ATRX: variants seen among roughly 807,000 people sequenced by gnomAD.
ATRX encodes ATRX chromatin remodeler.
In ATRX, 12 loss-of-function variants were observed where a neutral mutation model predicts 172.6. The ratio of observed to expected loss-of-function variants is 0.07; its 90% confidence interval spans 0.04 to 0.11. ATRX has a LOEUF of 0.11. Among genes scored for constraint, ATRX ranks in the 10% least tolerant of loss-of-function variants. The probability of loss-of-function intolerance (pLI) is 1.00; values close to 1 mark genes in which losing one functional copy is unlikely to be tolerated. For missense variants in ATRX, 1,368 were observed against 1,767.4 expected (o/e 0.77, Z 4.05); for synonymous variants, 674 against 594.7 (o/e 1.13, Z -1.94).
intron 28 of ATRX, among the ~76,000 whole-genome samples, chrX:77,560,728 C>G (rs192389520): frequency 5.7e-4 from 63 of 111,225 alleles, no homozygotes; most frequent in Non-Finnish European, 9.6e-4. Context: ...ATATTATATA[C>G]TAAAGAAAAA....
At chrX:77,626,968 G>A (rs964940264) in intron 19 of ATRX, among the ~76,000 whole-genome samples, 2 of 112,159 alleles carry the variant, frequency 1.8e-5, no homozygotes, top group African/African-American at 6.5e-5. Context: ...GCTCACGCCT[G>A]TAATCCCAGC....
chrX:77,624,845 A>G (rs1192347501), intron 19 of ATRX, among the ~76,000 whole-genome samples: 1 of 111,879 alleles, frequency 8.9e-6, no homozygotes, highest in East Asian at 2.8e-4. Flanking sequence ...ATTCAATGCA[A>G]TCCCCATCAA....
At chrX:77,563,866 A>T (rs1390297470) in intron 28 of ATRX, among the ~76,000 whole-genome samples, 3 of 109,639 alleles carry the variant, frequency 2.7e-5, no homozygotes, top group African/African-American at 1.0e-4. Context: ...AAGGCCTGAA[A>T]ATCCGGGGGT....
At chrX:77,635,745 T>C (rs1426471336) in intron 16 of ATRX, among the ~76,000 whole-genome samples, 170 bp downstream of exon 16, 1 of 111,896 alleles carries the variant, frequency 8.9e-6, no homozygotes, top group Non-Finnish European at 1.9e-5. Context: ...CACCCAATTT[T>C]GTTCTTCCTC....
intron 19 of ATRX, 127 bp from the exon 20 acceptor site, chrX:77,620,659 T>C: frequency 1.5e-6 from 1 of 653,670 alleles, no homozygotes. Context: ...GACATCGTTG[T>C]AAGTATAAAC....
At chrX:77,669,248 C>A (rs953624731) in intron 10 of ATRX, among the ~76,000 whole-genome samples, 35 of 111,584 alleles carry the variant, frequency 3.1e-4, no homozygotes, top group African/African-American at 1.1e-3. Context: ...TGTGCCAGCA[C>A]TATACCCTCT....
At chrX:77,684,630 T>C in intron 8 of ATRX, 37 bp from the exon 9 acceptor site, 1 of 1,150,601 alleles carries the variant, frequency 8.7e-7, no homozygotes, top group South Asian at 1.9e-5. Flanking sequence ...TATTCCCTTC[T>C]TTCAGGAAAC....
chrX:77,776,821 G>T (rs1178124317), intron 1 of ATRX, among the ~76,000 whole-genome samples: 1 of 111,450 alleles, frequency 9.0e-6, no homozygotes. Context: ...GTGAAATGAG[G>T]TAGCTGGTAG....
At chrX:77,621,866 C>A (rs743072) in intron 19 of ATRX, among the ~76,000 whole-genome samples, 1,934 of 107,800 alleles carry the variant, frequency 0.018, 23 homozygotes, top group African/African-American at 0.046. Context: ...ACAACAACAA[C>A]AAAAAAAAAC....
chrX:77,746,860 C>T (rs1304530044), intron 1 of ATRX, among the ~76,000 whole-genome samples: 8 of 110,995 alleles, frequency 7.2e-5, no homozygotes, highest in African/African-American at 1.3e-4. Flanking sequence ...GTTGCAGTGG[C>T]GCGATCTCGG....
rs781829635 is a variant in ATRX, at chrX:77,759,064, A to G, written c.20+26918T>C. Among the ~76,000 whole-genome samples, 6 of 112,297 alleles carry G rather than the reference A, an allele frequency of 5.3e-5. No individual in the cohort carries two copies. In the South Asian group the frequency reaches 2.2e-3, roughly 42 times the overall value. ...GATCAGAAGCACTACAATAAAAAATAGGCAATGTGAGTTGACTATTACAAA... is the reference window on the plus strand; with the variant it reads ...GATCAGAAGCACTACAATAAAAAATGGGCAATGTGAGTTGACTATTACAAA... On this transcript the variant is annotated intron_variant, in intron 1 of 34. Coordinates refer to ENST00000373344, the MANE Select transcript of ATRX (RefSeq NM_000489.6).
chrX:77,671,594 ATAT>A (rs1367077674), intron 10 of ATRX, among the ~76,000 whole-genome samples: 2 of 110,549 alleles, frequency 1.8e-5, no homozygotes, highest in African/African-American at 6.5e-5. Context: ...AAATTTGATC[ATAT>A]TAAATAACTA....
intron 1 of ATRX, among the ~76,000 whole-genome samples, chrX:77,764,609 GGAGTA>G (rs1363818577): frequency 2.7e-5 from 3 of 112,198 alleles, no homozygotes; most frequent in South Asian, 7.2e-4. Context: ...TCATGTAGAA[GGAGTA>G]GAGAAAGAAA....
intron 12 of ATRX, among the ~76,000 whole-genome samples, chrX:77,661,377 C>T (rs1442522116): frequency 3.7e-5 from 4 of 109,522 alleles, no homozygotes; most frequent in Admixed American, 3.0e-4. Context: ...AAGGCCGGTA[C>T]GGTGGCTCAC....
chrX:77,753,567 T>C (rs1453965149), intron 1 of ATRX, among the ~76,000 whole-genome samples: 1 of 111,719 alleles, frequency 9.0e-6, no homozygotes, highest in Non-Finnish European at 1.9e-5. Flanking sequence ...GTGTTCATTT[T>C]AGATCTTTCC....
At position 77,506,897 on chromosome X, in the gene ATRX, C is replaced by CTTTTTTT. The variant is rs139948612; in HGVS notation, c.*1447_*1453dup. 5 of 60,058 alleles carry CTTTTTTT rather than the reference C, an allele frequency of 8.3e-5. No homozygotes were observed. The highest frequency in any genetic ancestry group is 2.0e-4 in the East Asian group (1 of 4,942). 4.9% of individuals were successfully genotyped at this position (60,058 alleles called of 1,213,427 possible). On this transcript the variant is annotated 3_prime_UTR_variant, in exon 35 of 35. Coordinates refer to ENST00000373344, the MANE Select transcript of ATRX (RefSeq NM_000489.6). Reference sequence around the variant, plus strand: ...TAAAGCAAAGCCCAAACCCAGTTTTCTTTTTTTTTTTTTTTTTTTTTTTTT... The same window carrying CTTTTTTT: ...TAAAGCAAAGCCCAAACCCAGTTTTCTTTTTTTTTTTTTTTTTTTTTTTTTTTTTTTT...
chrX:77,762,066 G>C (rs1281716842), intron 1 of ATRX, among the ~76,000 whole-genome samples: 11 of 110,463 alleles, frequency 1.0e-4, no homozygotes, highest in Admixed American at 2.9e-4. Context: ...ATTTTGGGAG[G>C]CCGAGGCGGG....
chrX:77,659,482 TACACACACACACAC>T (rs72145948), intron 12 of ATRX, among the ~76,000 whole-genome samples: 230 of 88,478 alleles, frequency 2.6e-3, no homozygotes, highest in African/African-American at 8.9e-3. Context: ...TTTCTCTCTC[TACACACACACACAC>T]ACACACACAC....
chrX:77,608,926 C>T lies in ATRX; in HGVS notation c.5566+7687G>A, dbSNP rs782552173. ...TCTAACAACCTAATTAAAAAATTGG[C>T]AAAAGATCTGAGTAGACATTTCTCA... On this transcript the variant is annotated intron_variant, in intron 22 of 34. Coordinates refer to ENST00000373344, the MANE Select transcript of ATRX (RefSeq NM_000489.6). Among the ~76,000 whole-genome samples the T allele has an allele frequency of 4.5e-5, 5 of 111,771 alleles. No homozygotes were observed. The South Asian group carries it at 1.8e-3, about 41-fold the overall frequency.
Sources: allele counts gnomAD v4.1 joint callset (sites outside exome capture counted in the v4.1 genomes callset), GRCh38; gene constraint gnomAD v4.1.1; transcripts MANE v1.5; gene names NCBI Gene and HGNC (gene_info 2026-07-23, HGNC 2026-07-21).